TTC7A: variants seen among roughly 807,000 people sequenced by gnomAD.
The protein encoded by TTC7A is tetratricopeptide repeat domain 7A.
In TTC7A, 110 loss-of-function variants were observed where a neutral mutation model predicts 103.7. That is an observed-to-expected ratio of 1.06 (90% CI 0.91 to 1.24). TTC7A has a LOEUF of 1.24. Ranked by LOEUF, TTC7A falls within the 50% of genes most tolerant of loss-of-function variation. The pLI, the probability that TTC7A is intolerant of heterozygous loss-of-function variation, is 0.00. For synonymous variants in TTC7A, 521 were observed against 467.9 expected (o/e 1.11, Z -1.47); for missense variants, 1,340 against 1,116.3 (o/e 1.20, Z -2.86).
chr2:46,980,648 A>T (rs1331753931), intron 5 of TTC7A, among the ~76,000 whole-genome samples: 2 of 152,156 alleles, frequency 1.3e-5, no homozygotes, highest in Non-Finnish European at 2.9e-5. Flanking sequence ...GTCAGGCTTG[A>T]TCTGGGCCCT....
intron 15 of TTC7A, among the ~76,000 whole-genome samples, chr2:47,038,707 A>C (rs1392573730): frequency 8.0e-6 from 1 of 124,694 alleles, no homozygotes; most frequent in Non-Finnish European, 1.6e-5. Context: ...GGGATCCGGA[A>C]TTGCTGCCCA....
intron 14 of TTC7A, among the ~76,000 whole-genome samples, chr2:47,026,339 T>C (rs1679912691): frequency 6.6e-6 from 1 of 152,220 alleles, no homozygotes; most frequent in Non-Finnish European, 1.5e-5. Context: ...GCCGAGCCAG[T>C]GGCCCCACTG....
intron 2 of TTC7A, among the ~76,000 whole-genome samples, chr2:46,925,852 G>C (rs757824812): frequency 1.9e-4 from 29 of 152,178 alleles, no homozygotes; most frequent in Non-Finnish European, 3.8e-4. Flanking sequence ...TATGTGTTCA[G>C]CATACCAGTT....
Position 46,941,838 on chromosome 2 carries a change from C to A in TTC7A, c.184+113C>A, listed in dbSNP as rs560777699. ...CGACAGCGGGCGCCTGCCAGCCCAC[C>A]GTGCTAGTCTTAAGAGCAGCCAGGG... On this transcript the variant is annotated intron_variant, in intron 1 of 19. Coordinates refer to ENST00000319190, the MANE Select transcript of TTC7A (RefSeq NM_020458.4). The surrounding 1 kb of genome is among the most constrained non-coding windows in gnomAD (Gnocchi z 4.2). The A allele has an allele frequency of 7.3e-6, 10 of 1,372,776 alleles. No individual in the cohort carries two copies. The African/African-American group carries it at 1.0e-4, about 14-fold the overall frequency. The allele number at this position is 1,372,776 out of a possible 1,614,324, so 85.0% of individuals were successfully genotyped here.
rs369717601 is a variant in TTC7A at position 47,032,543 on chromosome 2, G to T, written c.1802+3159G>T. On this transcript the variant is annotated intron_variant, in intron 15 of 19. Transcript: ENST00000319190. ...AGGTCAGAGCAGACTTTCGTTCCATGCCCTGAGGGATTCTGGAGGTTATTC... is the reference window on the plus strand; with the variant it reads ...AGGTCAGAGCAGACTTTCGTTCCATTCCCTGAGGGATTCTGGAGGTTATTC... Among the ~76,000 whole-genome samples, 3 of 152,142 alleles carry T rather than the reference G, an allele frequency of 2.0e-5. No homozygotes were observed. In the South Asian group the frequency reaches 6.2e-4, roughly 31 times the overall value.
rs1558592489 is a variant in TTC7A at position 47,024,328 on chromosome 2, ATGTC to A, written c.1612_1615del (p.Val538ArgfsTer21). ...CCCAGTGACCCCCAGGTCATCCTCT[ATGTC>A]TCGCTGCAGCTGGCCCTCGTCCGAC... On this transcript the variant is annotated frameshift_variant, in exon 14 of 20. Coordinates refer to ENST00000319190, the MANE Select transcript of TTC7A (RefSeq NM_020458.4). LOFTEE classifies it high-confidence loss of function. The A allele has an allele frequency of 6.2e-7, 1 of 1,608,332 alleles. No homozygotes were observed. Among genetic ancestry groups the A allele is most frequent in the Non-Finnish European group, 8.5e-7 (1 of 1,177,392 alleles).
intron 18 of TTC7A, among the ~76,000 whole-genome samples, chr2:47,060,260 C>T (rs561303277): frequency 1.3e-5 from 2 of 152,272 alleles, no homozygotes; most frequent in Admixed American, 6.5e-5. Flanking sequence ...ACCCCAGCTA[C>T]TCAGGAGGCT....
chr2:47,024,222 G>A, intron 13 of TTC7A, 65 bp from the exon 14 acceptor site: 1 of 1,425,186 alleles, frequency 7.0e-7, no homozygotes, highest in South Asian at 1.3e-5. Context: ...CATGCTGGAG[G>A]CCCGAGTCAC....
At chr2:47,050,591 G>A (rs1406336013) in intron 17 of TTC7A, 1 of 153,496 alleles carries the variant, frequency 6.5e-6, no homozygotes, top group African/African-American at 2.4e-5. Flanking sequence ...AAGAAGGTGT[G>A]AGTGGAGTTG....
At chr2:47,059,149 T>C (rs1023354968) in intron 18 of TTC7A, among the ~76,000 whole-genome samples, 1 of 147,640 alleles carries the variant, frequency 6.8e-6, no homozygotes, top group Non-Finnish European at 1.5e-5. Flanking sequence ...GCCTCCCAAG[T>C]ACCTGGGACC....
chr2:47,065,193 A>T (rs893487883), intron 19 of TTC7A, among the ~76,000 whole-genome samples: 4 of 152,374 alleles, frequency 2.6e-5, no homozygotes, highest in Admixed American at 2.0e-4. Flanking sequence ...AATCTGAGGC[A>T]GGAGAATGGC....
intron 18 of TTC7A, among the ~76,000 whole-genome samples, chr2:47,056,493 GGC>G: frequency 6.6e-6 from 1 of 152,210 alleles, no homozygotes; most frequent in African/African-American, 2.4e-5. Flanking sequence ...CCAGCCTGCG[GGC>G]AAGGCCCTCC....
intron 18 of TTC7A, 141 bp downstream of exon 18, chr2:47,052,021 C>T: frequency 9.1e-7 from 1 of 1,102,054 alleles, no homozygotes; most frequent in South Asian, 1.9e-5. Context: ...TCGCCTCTGG[C>T]TGTGGGTCTC....
At chr2:46,929,930 A>G (rs918337903) in intron 2 of TTC7A, among the ~76,000 whole-genome samples, 8 of 152,296 alleles carry the variant, frequency 5.3e-5, no homozygotes, top group Admixed American at 3.3e-4. Flanking sequence ...ATAATTGTCA[A>G]TGTTTTAGAC....
intron 1 of TTC7A, among the ~76,000 whole-genome samples, chr2:46,948,283 G>A (rs1671108274): frequency 1.3e-5 from 2 of 152,136 alleles, no homozygotes; most frequent in Non-Finnish European, 2.9e-5. Context: ...TTAGAAGCAG[G>A]GAGCAACTTT....
intron 5 of TTC7A, among the ~76,000 whole-genome samples, chr2:46,987,241 G>A (rs940993608): frequency 2.4e-4 from 37 of 152,234 alleles, no homozygotes; most frequent in Admixed American, 2.4e-3. Flanking sequence ...CCACCTGGTT[G>A]CCAGAAGGGG....
intron 2 of TTC7A, among the ~76,000 whole-genome samples, chr2:46,936,194 A>G (rs1050456581): frequency 3.3e-5 from 5 of 152,198 alleles, no homozygotes; most frequent in Non-Finnish European, 5.9e-5. Flanking sequence ...TTATCTGACC[A>G]TATTTGAAAA....
intron 3 of TTC7A, among the ~76,000 whole-genome samples, chr2:46,972,425 C>T (rs530033019): frequency 6.6e-6 from 1 of 152,292 alleles, no homozygotes; most frequent in East Asian, 1.9e-4. Context: ...TAAATGTACA[C>T]TTCAGTAGTG....
chr2:46,997,855 C>T (rs1297705789), intron 8 of TTC7A, among the ~76,000 whole-genome samples: 1 of 152,106 alleles, frequency 6.6e-6, no homozygotes, highest in East Asian at 1.9e-4. Context: ...TGATCTGAGT[C>T]CTCAGGACAG....
Sources: gnomAD v4.1 joint callset for allele counts (sites outside exome capture counted in the v4.1 genomes callset) on GRCh38, gnomAD v4.1.1 for gene constraint, Gnocchi (gnomAD v3.1) non-coding constraint, MANE v1.5 for transcripts, NCBI Gene and HGNC (gene_info 2026-07-23, HGNC 2026-07-21) for gene names.